Variants in TBC1D10B observed in about 807,000 individuals in gnomAD.
The protein encoded by TBC1D10B is TBC1 domain family member 10B.
A neutral mutation model predicts 78.4 loss-of-function variants in TBC1D10B; 25 were observed. The ratio of observed to expected loss-of-function variants is 0.32; its 90% CI spans 0.23 to 0.45. TBC1D10B has a LOEUF of 0.45. Ranked by LOEUF, TBC1D10B falls within the 20% of genes least tolerant of loss-of-function variation. TBC1D10B has a pLI of 1.00. For missense variants in TBC1D10B, 996 were observed against 1,104.8 expected, an observed-to-expected ratio of 0.90 and a Z score of 1.40; for synonymous variants, 517 against 478.0, an observed-to-expected ratio of 1.08 and a Z score of -1.06.
At chr16:30,364,028 A>G (rs1304558946) in intron 4 of TBC1D10B, among the ~76,000 whole-genome samples, 1 of 151,866 alleles carries the variant, frequency 6.6e-6, no homozygotes, top group East Asian at 1.9e-4. Flanking sequence ...GAGGCAGGAG[A>G]ATCACCTGAA....
At chr16:30,363,902 G>A (rs937675222) in intron 4 of TBC1D10B, among the ~76,000 whole-genome samples, 5 of 152,168 alleles carry the variant, frequency 3.3e-5, no homozygotes, top group African/African-American at 1.2e-4. Flanking sequence ...AATCACCTAA[G>A]GTCAGGAGTT....
chr16:30,366,581 T>G (rs2049638579), intron 1 of TBC1D10B: 1 of 152,210 alleles, frequency 6.6e-6, no homozygotes, highest in Admixed American at 6.5e-5. Context: ...ATCTGAGTTT[T>G]GTCCTATCAA....
Position 30,358,811 on chromosome 16 carries a change from T to A in TBC1D10B, c.1649A>T (p.Lys550Met). The part of the protein sequence containing the change: ...VWDMFFCEGV[K>M]IIFRVALVLL... Reference sequence around the variant, plus strand: ...GACCAGGGCCACCCGGAAGATGATCTTAACGCCTGCAGGGGTGGAGAGTAG... The same window carrying A: ...GACCAGGGCCACCCGGAAGATGATCATAACGCCTGCAGGGGTGGAGAGTAG... The change falls in exon 8 of 9, where the codon AAG becomes ATG. Residue 550 changes from lysine to methionine, a missense_variant. Coordinates refer to ENST00000409939, the MANE Select transcript of TBC1D10B (RefSeq NM_015527.4). 1 of 1,606,852 alleles carries A rather than the reference T, an allele frequency of 6.2e-7. No homozygotes were observed. Among genetic ancestry groups the A allele is most frequent in the Non-Finnish European group, 8.5e-7 (1 of 1,177,146 alleles).
rs759595949 is a variant in TBC1D10B at position 30,364,919 on chromosome 16, C to T, written c.1252G>A (p.Ala418Thr). ...CCTTACCCATGCCCCCCTCGAGCAG[C>T]AAACATCTCGTGGAAAGGGAACTGG... is the stretch of plus-strand genomic sequence containing the variant. ...HRQFPFHEMF[A>T]ARGGHGQQDL... The change falls in exon 4 of 9, where the codon GCT becomes ACT. Residue 418 changes from alanine (A) to threonine (T), a missense_variant. Ala to Thr is a moderately conservative substitution (Grantham distance 58). This residue lies in a region of TBC1D10B where 93 missense variants were observed against 152.7 expected (regional missense o/e 0.61). Transcript: ENST00000409939. The T allele has an allele frequency of 1.7e-5, 27 of 1,612,246 alleles. No homozygotes were observed. The highest frequency in any genetic ancestry group is 4.0e-5 in the African/African-American group (3 of 74,858).
At chr16:30,361,512 C>G (rs896033942) in intron 4 of TBC1D10B, among the ~76,000 whole-genome samples, 4 of 152,114 alleles carry the variant, frequency 2.6e-5, no homozygotes, top group Non-Finnish European at 4.4e-5. Context: ...TCACGGCAAA[C>G]TCTGTCTCCC....
rs2049666222 is a variant in TBC1D10B at position 30,369,476 on chromosome 16, A to G, written c.708T>C (p.Ala236=). 6.4e-7 allele frequency: 1 copy of G among 1,551,278 alleles called. No homozygotes were observed. The highest frequency in any genetic ancestry group is 8.7e-7 in the Non-Finnish European group (1 of 1,147,080). ...CTTGAGAGTTTTCAGCAGGCTCCGG[A>G]GCTGGGGTCACGGTCACGACAGCTA... ...APVAVVTVTP[A]PEPAENSQDL... Residue 236 remains alanine, a synonymous_variant, in exon 1 of 9, where the codon GCT becomes GCC. Transcript: ENST00000409939. The surrounding 1 kb of genome is among the most constrained non-coding windows in gnomAD (Gnocchi z 4.3).
chr16:30,363,563 C>T (rs888814367), intron 4 of TBC1D10B, among the ~76,000 whole-genome samples: 4 of 152,048 alleles, frequency 2.6e-5, no homozygotes, highest in African/African-American at 4.8e-5. Context: ...CAAGACCAGC[C>T]GGGGCAACAT....
At position 30,358,287 on chromosome 16, in the gene TBC1D10B, A is replaced by ACAGGCCCTGGGG. The variant is rs1305603127; in HGVS notation, c.2072_2083dup (p.Ala691_Pro694dup). 1 of 1,584,432 alleles carries ACAGGCCCTGGGG rather than the reference A, an allele frequency of 6.3e-7. No individual in the cohort carries two copies. The highest frequency in any genetic ancestry group is 8.6e-7 in the Non-Finnish European group (1 of 1,165,470). ...TGGATGCAGTCCCTCAGCAGTGACC[A>ACAGGCCCTGGGG]CAGGCCCTGGGGCAGGCCCAGCACT... On this transcript the variant is annotated inframe_insertion, in exon 9 of 9. Transcript: ENST00000409939.
At position 30,357,816 on chromosome 16, in the gene TBC1D10B, TG is replaced by T; in HGVS notation, c.*127del. 2 of 1,316,280 alleles carry T rather than the reference TG, an allele frequency of 1.5e-6. No individual in the cohort carries two copies. The highest frequency in any genetic ancestry group is 2.0e-6 in the Non-Finnish European group (2 of 987,956). The allele number at this position is 1,316,280 out of a possible 1,614,324, so 81.5% of individuals were successfully genotyped here. On this transcript the variant is annotated 3_prime_UTR_variant, in exon 9 of 9. Coordinates refer to ENST00000409939, the MANE Select transcript of TBC1D10B (RefSeq NM_015527.4). ...TAGGGATCAGCAGCTGGCGAGGAGA[TG>T]GGGAACCAAGCCACTTTCCCCAGCA...
chr16:30,359,102 A>G lies in TBC1D10B; in HGVS notation c.1642+70T>C, dbSNP rs2049581395. ...ACCTTTTGTCCATGGACCACCAGAA[A>G]TATGACAGAACCCCTGGTAGCCACC... On this transcript the variant is annotated intron_variant, in intron 7 of 8. Coordinates refer to ENST00000409939, the MANE Select transcript of TBC1D10B (RefSeq NM_015527.4). 5 of 1,504,772 alleles carry G rather than the reference A, an allele frequency of 3.3e-6. No individual in the cohort carries two copies. The East Asian group carries it at 9.7e-5, about 29-fold the overall frequency. The allele number at this position is 1,504,772 out of a possible 1,614,324, so 93.2% of individuals were successfully genotyped here.
At position 30,359,317 on chromosome 16, in the gene TBC1D10B, G is replaced by T. The variant is rs755266413; in HGVS notation, c.1497C>A (p.Arg499=). ...LDGEIFFALL[R]RASPLAHRHL... is the part of the protein sequence containing the mutation. ...GGCGATGCGCCAGCGGGGAGGCCCG[G>T]CGCAGGAGTGCAAAAAAGATCTCCC... is the stretch of plus-strand genomic sequence containing the variant. The change falls in exon 7 of 9, where the codon CGC becomes CGA. Residue 499 remains arginine, a synonymous_variant. Coordinates refer to ENST00000409939, the MANE Select transcript of TBC1D10B (RefSeq NM_015527.4). The T allele has an allele frequency of 8.8e-6, 14 of 1,590,800 alleles. No individual in the cohort carries two copies. Among genetic ancestry groups the T allele is most frequent in the South Asian group, 1.1e-5 (1 of 87,876 alleles).
At chr16:30,362,173 CG>C (rs2049603798) in intron 4 of TBC1D10B, among the ~76,000 whole-genome samples, 1 of 151,816 alleles carries the variant, frequency 6.6e-6, no homozygotes, top group African/African-American at 2.4e-5. Context: ...TTAGTAGAGA[CG>C]GGGTTTCACC....
In TBC1D10B at chr16:30,365,114, T is replaced by C. The variant is rs200423069; in HGVS notation, c.1155A>G (p.Gly385=). 6.2e-7 allele frequency: 1 copy of C among 1,613,964 alleles called. No homozygotes were observed. Among genetic ancestry groups the C allele is most frequent in the African/African-American group, 1.3e-5 (1 of 75,030 alleles). ...TTGGAGCTGCACGCACCTCAAACTTTCCTGGGTTCTGCTCCAGAAGTTCCT... is the reference window on the plus strand; with the variant it reads ...TTGGAGCTGCACGCACCTCAAACTTCCCTGGGTTCTGCTCCAGAAGTTCCT... ...NSKELLEQNP[G]KFEELERAPG... The change falls in exon 3 of 9, where the codon GGA becomes GGG. Residue 385 remains glycine, a synonymous_variant. Coordinates refer to ENST00000409939, the MANE Select transcript of TBC1D10B (RefSeq NM_015527.4). The surrounding 1 kb of genome is among the most constrained non-coding windows in gnomAD (Gnocchi z 5.0).
At chr16:30,360,013 C>T (rs768289455) in intron 4 of TBC1D10B, 172 bp from the exon 5 acceptor site, 26 of 618,940 alleles carry the variant, frequency 4.2e-5, no homozygotes, top group East Asian at 1.1e-4. Flanking sequence ...CTCCAGGCCC[C>T]GGGGCTCCGC....
chr16:30,359,453 G>A, intron 6 of TBC1D10B, 85 bp downstream of exon 6: 3 of 1,547,656 alleles, frequency 1.9e-6, no homozygotes, highest in Non-Finnish European at 2.6e-6. Flanking sequence ...AAGCCGGGAA[G>A]GCCAGGGTGG....
At position 30,369,896 on chromosome 16, in the gene TBC1D10B, G is replaced by A; in HGVS notation, c.288C>T (p.Ala96=). The change falls in exon 1 of 9, where the codon GCC becomes GCT. Residue 96 remains alanine (A), a synonymous_variant. Transcript: ENST00000409939. This position sits in a 1 kb window ranked among gnomAD's most constrained non-coding sequence, Gnocchi z 4.3. ...GCTGCGGCTTTGGGGCTTCGGGCGAGGCCTCCAGGGTCAGCACCACCACCG... is the reference window on the plus strand; with the variant it reads ...GCTGCGGCTTTGGGGCTTCGGGCGAAGCCTCCAGGGTCAGCACCACCACCG... ...GSTVVVLTLE[A]SPEAPKPQLP... 1.2e-5 allele frequency: 17 copies of A among 1,390,104 alleles called. No individual in the cohort carries two copies. Among genetic ancestry groups the A allele is most frequent in the Non-Finnish European group, 1.6e-5 (17 of 1,075,872 alleles). 86.1% of individuals were successfully genotyped at this position (1,390,104 alleles called of 1,614,324 possible). A position where few individuals can be genotyped will look rare whatever the true frequency, so the allele number is the denominator to read the frequency against.
chr16:30,370,424 C>T lies in TBC1D10B; in HGVS notation c.-241G>A, dbSNP rs912434229. 3.3e-5 allele frequency among the ~76,000 whole-genome samples: 5 copies of T among 151,920 alleles called. No individual in the cohort carries two copies. Among genetic ancestry groups the T allele is most frequent in the Non-Finnish European group, 4.4e-5 (3 of 67,904 alleles). ...GCGCTCTCGCCACCGCCCCCTCCCT[C>T]CTGCTTGGGGGCGAGCCGCCGACCT... On this transcript the variant is annotated 5_prime_UTR_variant, in exon 1 of 9. Transcript: ENST00000409939.
chr16:30,365,229 G>A lies in TBC1D10B; in HGVS notation c.1057-17C>T, dbSNP rs748189596. On this transcript the variant is annotated splice_polypyrimidine_tract_variant and intron_variant, in intron 2 of 8. Transcript: ENST00000409939. This position sits in a 1 kb window ranked among gnomAD's most constrained non-coding sequence, Gnocchi z 5.0. The stretch of plus-strand genomic sequence containing the variant: ...CAGCTTCACCTAAGGCAAAGTGGCA[G>A]GAGGGGGACAGCTTCAAGGGCTGGC... 53 of 1,610,100 alleles carry A rather than the reference G, an allele frequency of 3.3e-5. No individual in the cohort carries two copies. In the South Asian group the frequency reaches 4.0e-4, roughly 12 times the overall value.
chr16:30,362,120 A>T (rs747961657), intron 4 of TBC1D10B, among the ~76,000 whole-genome samples: 3 of 152,060 alleles, frequency 2.0e-5, no homozygotes, highest in African/African-American at 7.2e-5. Flanking sequence ...ATGTGCTGGG[A>T]TTACAGGCGT....
Sources: gnomAD v4.1 joint callset for allele counts (sites outside exome capture counted in the v4.1 genomes callset) on GRCh38, gnomAD v4.1.1 for gene constraint, gnomAD v4.1.1 regional missense constraint, Gnocchi (gnomAD v3.1) non-coding constraint, MANE v1.5 for transcripts, NCBI Gene and HGNC (gene_info 2026-07-23, HGNC 2026-07-21) for gene names.